WDR91: variants seen among roughly 807,000 people sequenced by gnomAD.
The protein encoded by WDR91 is WD repeat-containing protein 91.
Under a neutral mutation model 88.4 loss-of-function variants are expected in WDR91, and 52 were observed. That is an observed-to-expected ratio of 0.59 (90% CI 0.47 to 0.74). The LOEUF (loss-of-function observed/expected upper bound fraction) is 0.74. Among genes scored for constraint, WDR91 ranks in the 30% least tolerant of loss-of-function variants. The pLI is 0.00. For synonymous variants in WDR91, 362 were observed against 389.5 expected, an observed-to-expected ratio of 0.93 and a Z score of 0.83; for missense variants, 824 against 954.5, an observed-to-expected ratio of 0.86 and a Z score of 1.80.
chr7:135,207,505 G>GAGCT (rs1444598575), intron 3 of WDR91: 7 of 421,040 alleles, frequency 1.7e-5, no homozygotes, highest in Admixed American at 1.0e-4. Flanking sequence ...CAGAAGCAAA[G>GAGCT]AGCTAGCATC....
intron 6 of WDR91, chr7:135,199,320 C>T (rs1027462939): frequency 2.0e-5 from 3 of 152,180 alleles, no homozygotes; most frequent in Non-Finnish European, 2.9e-5. Flanking sequence ...CAAGTACTTC[C>T]GTGAACAAAG....
At chr7:135,200,040 T>A (rs1474791594) in intron 6 of WDR91, 1 of 152,234 alleles carries the variant, frequency 6.6e-6, no homozygotes, top group Admixed American at 6.5e-5. Flanking sequence ...GCCAAGACAG[T>A]GATGGACCTA....
At chr7:135,194,305 T>G (rs1831282911) in intron 9 of WDR91, among the ~76,000 whole-genome samples, 1 of 152,200 alleles carries the variant, frequency 6.6e-6, no homozygotes, top group African/African-American at 2.4e-5. Context: ...CTTGGCAAAC[T>G]GGCGCTGGCA....
chr7:135,198,334 G>A lies in WDR91; in HGVS notation c.892-183C>T. ...CCCCTGCTATGACCTCCTCCTTTCTGTCCTCTACCCGTTAAGAGGACAGGT... is the reference window on the plus strand; with the variant it reads ...CCCCTGCTATGACCTCCTCCTTTCTATCCTCTACCCGTTAAGAGGACAGGT... On this transcript the variant is annotated intron_variant, in intron 6 of 14. Coordinates refer to ENST00000354475, the MANE Select transcript of WDR91 (RefSeq NM_014149.4). 3 of 616,746 alleles carry A rather than the reference G, an allele frequency of 4.9e-6. No individual in the cohort carries two copies. In the South Asian group the frequency reaches 6.8e-5, roughly 14 times the overall value. 38.2% of individuals were successfully genotyped at this position (616,746 alleles called of 1,614,324 possible).
intron 9 of WDR91, 52 bp from the exon 10 acceptor site, chr7:135,193,724 G>T: frequency 6.5e-7 from 1 of 1,527,946 alleles, no homozygotes; most frequent in African/African-American, 1.4e-5. Flanking sequence ...GTGAGGCTGA[G>T]TCAGGGAGGA....
rs373727223 is a variant in WDR91 at position 135,211,475 on chromosome 7, C to A, written c.28G>T (p.Glu10Ter). 140 of 1,611,722 alleles carry A rather than the reference C, an allele frequency of 8.7e-5. No individual in the cohort carries two copies. Among genetic ancestry groups the A allele is most frequent in the Non-Finnish European group, 1.1e-4 (135 of 1,179,124 alleles). The change falls in exon 1 of 15, where the codon GAG becomes TAG. Residue 10 changes from glutamate to a stop codon, truncating the protein, a stop_gained. Coordinates refer to ENST00000354475, the MANE Select transcript of WDR91 (RefSeq NM_014149.4). LOFTEE classifies it high-confidence loss of function. MAEAVERTD[E>*]LVREYLLFRG... Reference sequence around the variant, plus strand: ...AAGAGCAGGTACTCCCGGACCAGCTCGTCAGTGCGCTCCACGGCCTCCGCC... The same window carrying A: ...AAGAGCAGGTACTCCCGGACCAGCTAGTCAGTGCGCTCCACGGCCTCCGCC...
rs922978297 is a variant in WDR91, at chr7:135,196,435, G to A, written c.1051-98C>T. ...CTAGGCCTAGGCTGCAGCATTTTGC[G>A]GGGTTCTCGGTAATTACAGAGTGGA... On this transcript the variant is annotated intron_variant, in intron 7 of 14. Transcript: ENST00000354475. This position sits in a 1 kb window ranked among gnomAD's most constrained non-coding sequence, Gnocchi z 4.2. 1.6e-5 allele frequency: 19 copies of A among 1,199,508 alleles called. No homozygotes were observed. The highest frequency in any genetic ancestry group is 6.8e-5 in the South Asian group (4 of 58,658). 74.3% of individuals were successfully genotyped at this position (1,199,508 alleles called of 1,614,324 possible).
chr7:135,186,910 C>T, intron 14 of WDR91, 62 bp downstream of exon 14: 1 of 1,600,164 alleles, frequency 6.2e-7, no homozygotes, highest in East Asian at 2.2e-5. Flanking sequence ...TGGCCCAGAC[C>T]TCCAGGGAGG....
chr7:135,195,803 T>C (rs917950054), intron 8 of WDR91, among the ~76,000 whole-genome samples: 1 of 151,906 alleles, frequency 6.6e-6, no homozygotes, highest in African/African-American at 2.4e-5. Context: ...AAAAATCAGA[T>C]GGGTGTGGTG....
At chr7:135,208,083 G>A (rs942496462) in intron 3 of WDR91, among the ~76,000 whole-genome samples, 1 of 152,120 alleles carries the variant, frequency 6.6e-6, no homozygotes, top group Non-Finnish European at 1.5e-5. Flanking sequence ...CAAAACGCCT[G>A]CCCATGGGTG....
In WDR91 at chr7:135,186,990, T is replaced by G; in HGVS notation, c.2061A>C (p.Thr687=). ...EGNYMLTCSA[T]GGVIYKLGGD... is the part of the protein sequence containing the mutation. ...CAGTTACCTTGTAGATGACGCCGCC[T>G]GTGGCAGAACATGTCAGCATGTAAT... The change falls in exon 14 of 15, where the codon ACA becomes ACC. Residue 687 remains threonine, a synonymous_variant. Transcript: ENST00000354475. 6.2e-7 allele frequency: 1 copy of G among 1,613,990 alleles called. No homozygotes were observed. Among genetic ancestry groups the G allele is most frequent in the South Asian group, 1.1e-5 (1 of 91,086 alleles).
intron 11 of WDR91, among the ~76,000 whole-genome samples, chr7:135,190,533 C>G (rs1166379126): frequency 6.6e-6 from 1 of 151,576 alleles, no homozygotes; most frequent in Non-Finnish European, 1.5e-5. Context: ...ACAGAGACAA[C>G]AGAGCAGAAT....
At chr7:135,187,547 T>C (rs1005668778) in intron 13 of WDR91, among the ~76,000 whole-genome samples, 5 of 151,990 alleles carry the variant, frequency 3.3e-5, no homozygotes, top group African/African-American at 9.7e-5. Flanking sequence ...AAGTGACATA[T>C]TATTATTATT....
chr7:135,187,324 C>T (rs1227229124), intron 13 of WDR91, among the ~76,000 whole-genome samples, 155 bp from the exon 14 acceptor site: 1 of 152,242 alleles, frequency 6.6e-6, no homozygotes, highest in Non-Finnish European at 1.5e-5. Flanking sequence ...TTTCAAGTGC[C>T]AGAGGCAGAA....
intron 8 of WDR91, among the ~76,000 whole-genome samples, chr7:135,195,684 C>T (rs762276553): frequency 6.6e-6 from 1 of 152,184 alleles, no homozygotes; most frequent in Non-Finnish European, 1.5e-5. Context: ...CGGTGGCTTA[C>T]GCCTGTAATC....
intron 7 of WDR91, 70 bp downstream of exon 7, chr7:135,197,922 GA>G: frequency 6.5e-7 from 1 of 1,541,014 alleles, no homozygotes; most frequent in Admixed American, 1.9e-5. Flanking sequence ...AGAGAGAGAA[GA>G]GAAGACCCCC....
chr7:135,201,237 C>T (rs993102286), intron 6 of WDR91, among the ~76,000 whole-genome samples: 2 of 151,958 alleles, frequency 1.3e-5, no homozygotes, highest in African/African-American at 4.8e-5. Context: ...GTACAAACTA[C>T]AGGCTGTGTG....
Position 135,196,351 on chromosome 7 carries a change from G to C in WDR91, c.1051-14C>G, listed in dbSNP as rs202077644. Reference sequence around the variant, plus strand: ...CTTCTCTGCACACTGTCACAAGCAGGGTGGGGACAAGTCAGCCAGGAAAGG... The same window carrying C: ...CTTCTCTGCACACTGTCACAAGCAGCGTGGGGACAAGTCAGCCAGGAAAGG... On this transcript the variant is annotated splice_polypyrimidine_tract_variant and intron_variant, in intron 7 of 14. Transcript: ENST00000354475. This position sits in a 1 kb window ranked among gnomAD's most constrained non-coding sequence, Gnocchi z 4.2. 1.1e-5 allele frequency: 16 copies of C among 1,510,432 alleles called. No homozygotes were observed. The highest frequency in any genetic ancestry group is 9.9e-5 in the East Asian group (4 of 40,498). 93.6% of individuals were successfully genotyped at this position (1,510,432 alleles called of 1,614,324 possible).
Position 135,192,108 on chromosome 7 carries a change from GT to G in WDR91, c.1659+1122del, listed in dbSNP as rs751914024. 3.3e-3 allele frequency among the ~76,000 whole-genome samples: 165 copies of G among 50,664 alleles called. 4 individuals carry two copies. The highest frequency in any genetic ancestry group is 7.8e-3 in the South Asian group (9 of 1,156). 33.2% of individuals were successfully genotyped at this position (50,664 alleles called of 152,430 possible). A position where few individuals can be genotyped will look rare whatever the true frequency, so the allele number is the denominator to read the frequency against. ...TGGGAAGAACCCCAATTTCTGTTGT[GT>G]TTTTTTTTTTTTTTTTTTTTTTTTT... is the stretch of plus-strand genomic sequence containing the variant. On this transcript the variant is annotated intron_variant, in intron 11 of 14. Coordinates refer to ENST00000354475, the MANE Select transcript of WDR91 (RefSeq NM_014149.4).
Sources: gnomAD v4.1 joint callset for allele counts (sites outside exome capture counted in the v4.1 genomes callset) on GRCh38, gnomAD v4.1.1 for gene constraint, Gnocchi (gnomAD v3.1) non-coding constraint, MANE v1.5 for transcripts, NCBI Gene and HGNC (gene_info 2026-07-23, HGNC 2026-07-21) for gene names.